Variants in PTK2B observed in about 807,000 individuals in gnomAD.
PTK2B encodes protein-tyrosine kinase 2-beta.
A neutral mutation model predicts 142.9 loss-of-function variants in PTK2B; 71 were observed. That is an observed-to-expected ratio of 0.50 (90% CI 0.41 to 0.61). The LOEUF (loss-of-function observed/expected upper bound fraction) is 0.61. PTK2B is among the 20% of genes least tolerant of loss of function. The pLI, the probability that PTK2B is intolerant of heterozygous loss-of-function variation, is 0.00. For synonymous variants in PTK2B, 519 were observed against 503.4 expected, an observed-to-expected ratio of 1.03 and a Z score of -0.42; for missense variants, 1,105 against 1,320.4, an observed-to-expected ratio of 0.84 and a Z score of 2.53.
Position 27,454,248 on chromosome 8 carries a change from A to G in PTK2B, c.2690A>G (p.Glu897Gly), listed in dbSNP as rs1812002440. ...LVRAVLELKN[E>G]LCQLPPEGYV... ...CGGGCCGTGCTGGAGCTCAAGAATG[A>G]GCTCTGTCAGCTGCCCCCCGAGGGC... The change falls in exon 29 of 31, where the codon GAG becomes GGG. Residue 897 changes from glutamate to glycine, a missense_variant. Transcript: ENST00000346049. 2 of 1,614,010 alleles carry G rather than the reference A, an allele frequency of 1.2e-6. No homozygotes were observed. The highest frequency in any genetic ancestry group is 1.3e-5 in the African/African-American group (1 of 75,024).
chr8:27,430,828 G>A, intron 7 of PTK2B, 48 bp from the exon 8 acceptor site: 1 of 1,598,758 alleles, frequency 6.3e-7, no homozygotes, highest in Non-Finnish European at 8.5e-7. Flanking sequence ...GAAGGAGTGA[G>A]ACCTGGGAGG....
At chr8:27,435,652 C>T (rs1173670349) in intron 13 of PTK2B, 91 bp from the exon 14 acceptor site, 1 of 1,479,764 alleles carries the variant, frequency 6.8e-7, no homozygotes, top group Non-Finnish European at 9.4e-7. Flanking sequence ...TTGGGCTCCA[C>T]TGGCCTCCAG....
chr8:27,319,992 C>T (rs899362659), intron 3 of PTK2B, among the ~76,000 whole-genome samples: 1 of 152,288 alleles, frequency 6.6e-6, no homozygotes, highest in South Asian at 2.1e-4. Context: ...GCTGGTGAGA[C>T]AGCCGGGTGG....
intron 1 of PTK2B, among the ~76,000 whole-genome samples, chr8:27,342,258 T>C (rs1233610695): frequency 6.6e-6 from 1 of 152,098 alleles, no homozygotes; most frequent in Non-Finnish European, 1.5e-5. Context: ...CAGTCATTTC[T>C]TCTTCTCTTT....
At chr8:27,311,365 G>A (rs1258398353), upstream of PTK2B, 2 of 1,231,140 alleles carry the variant, frequency 1.6e-6, no homozygotes, top group Non-Finnish European at 2.2e-6. Context: ...AGAGACAGCG[G>A]CGCTGGCCAA....
chr8:27,347,024 A>G (rs1319387820), intron 1 of PTK2B, among the ~76,000 whole-genome samples: 1 of 152,148 alleles, frequency 6.6e-6, no homozygotes, highest in Non-Finnish European at 1.5e-5. Flanking sequence ...GTGGGTTTTC[A>G]GATGTCGTGC....
At chr8:27,385,263 T>G (rs1212863665) in intron 1 of PTK2B, among the ~76,000 whole-genome samples, 1 of 152,188 alleles carries the variant, frequency 6.6e-6, no homozygotes, top group Non-Finnish European at 1.5e-5. Context: ...GTGAGCCCTT[T>G]GGCATGGAGA....
At chr8:27,431,312 T>G (rs779528062) in intron 8 of PTK2B, 86 bp from the exon 9 acceptor site, 1 of 1,597,360 alleles carries the variant, frequency 6.3e-7, no homozygotes, top group Non-Finnish European at 8.5e-7. Context: ...CAGTGGCTTG[T>G]GTCTAGCTTA....
intron 1 of PTK2B, among the ~76,000 whole-genome samples, chr8:27,332,916 A>G (rs1310890194): frequency 6.6e-6 from 1 of 152,212 alleles, no homozygotes; most frequent in Non-Finnish European, 1.5e-5. Flanking sequence ...CACAAAGTTT[A>G]TAGTATGGTA....
intron 1 of PTK2B, among the ~76,000 whole-genome samples, chr8:27,355,579 A>G (rs1260113428): frequency 6.6e-6 from 1 of 152,238 alleles, no homozygotes; most frequent in Non-Finnish European, 1.5e-5. Flanking sequence ...TTGTTACAGC[A>G]ATAGTAGGCA....
chr8:27,418,307 G>A (rs897977518), intron 2 of PTK2B, among the ~76,000 whole-genome samples: 5 of 152,220 alleles, frequency 3.3e-5, no homozygotes, highest in Admixed American at 6.5e-5. Context: ...GCCCAGGCAA[G>A]CAAATAACTG....
intron 5 of PTK2B, among the ~76,000 whole-genome samples, chr8:27,423,017 G>A (rs1450266656): frequency 6.6e-6 from 1 of 152,150 alleles, no homozygotes; most frequent in Non-Finnish European, 1.5e-5. Flanking sequence ...CAGGGGTCAG[G>A]GGAGATACAC....
chr8:27,357,503 C>A (rs1805455031), intron 1 of PTK2B, among the ~76,000 whole-genome samples: 1 of 152,218 alleles, frequency 6.6e-6, no homozygotes, highest in Non-Finnish European at 1.5e-5. Flanking sequence ...AGGGGGCCAC[C>A]CCGTGCCTGC....
chr8:27,452,991 G>C (rs80318860), intron 27 of PTK2B, 123 bp from the exon 28 acceptor site: 11 of 1,192,568 alleles, frequency 9.2e-6, no homozygotes, highest in African/African-American at 1.5e-5. Context: ...CCTGGATTCA[G>C]AGTTAATTTC....
At chr8:27,451,760 A>C in intron 27 of PTK2B, 2 of 1,343,480 alleles carry the variant, frequency 1.5e-6, no homozygotes, top group South Asian at 1.9e-5. Context: ...TCCTCAGATC[A>C]TCCCCCTCCT....
At chr8:27,390,928 G>T (rs1049843072) in intron 1 of PTK2B, among the ~76,000 whole-genome samples, 3 of 152,178 alleles carry the variant, frequency 2.0e-5, no homozygotes, top group Non-Finnish European at 4.4e-5. Context: ...TCACACTCAC[G>T]TAATGGCCCA....
chr8:27,394,568 G>A (rs1477463070), intron 1 of PTK2B, among the ~76,000 whole-genome samples: 2 of 152,212 alleles, frequency 1.3e-5, no homozygotes, highest in Non-Finnish European at 2.9e-5. Flanking sequence ...GATGGCACAG[G>A]ACATTACTAT....
upstream of PTK2B, chr8:27,311,355 A>G (rs1273754813): frequency 2.3e-6 from 3 of 1,284,532 alleles, no homozygotes; most frequent in East Asian, 5.5e-5. Flanking sequence ...TGGAACGCTG[A>G]GAGACAGCGG....
At chr8:27,319,903 T>C (rs1240381076) in intron 3 of PTK2B, among the ~76,000 whole-genome samples, 1 of 152,224 alleles carries the variant, frequency 6.6e-6, no homozygotes, top group East Asian at 1.9e-4. Flanking sequence ...TGTACTCTTC[T>C]GTACCACCCA....
Sources: allele counts gnomAD v4.1 joint callset (sites outside exome capture counted in the v4.1 genomes callset), GRCh38; gene constraint gnomAD v4.1.1; transcripts MANE v1.5; gene names NCBI Gene and HGNC (gene_info 2026-07-23, HGNC 2026-07-21).